CERT1: variants seen among roughly 807,000 people sequenced by gnomAD.
CERT1 encodes the protein ceramide transporter 1.
In CERT1, 31 loss-of-function variants were observed where a neutral mutation model predicts 87.9. That is an observed-to-expected ratio of 0.35 (90% CI 0.27 to 0.48). The LOEUF is 0.48. Among genes scored for constraint, CERT1 ranks in the 20% least tolerant of loss-of-function variants. The pLI is 0.99. For missense variants in CERT1, 487 were observed against 758.0 expected (o/e 0.64, Z 4.20); for synonymous variants, 289 against 250.9 (o/e 1.15, Z -1.44).
chr5:75,381,928 C>A (rs1761602828), intron 15 of CERT1, 21 bp downstream of exon 15: 1 of 1,603,386 alleles, frequency 6.2e-7, no homozygotes, highest in South Asian at 1.1e-5. Context: ...TAATTATACA[C>A]ATTTATATAC....
At chr5:75,431,275 G>GA (rs1184076957) in intron 3 of CERT1, among the ~76,000 whole-genome samples, 1 of 152,078 alleles carries the variant, frequency 6.6e-6, no homozygotes, top group Non-Finnish European at 1.5e-5. Context: ...CATATGTACT[G>GA]AATGTTTACC....
intron 10 of CERT1, 84 bp downstream of exon 10, chr5:75,400,121 A>G: frequency 9.7e-7 from 1 of 1,027,692 alleles, no homozygotes; most frequent in Non-Finnish European, 1.5e-6. Flanking sequence ...ACAGAGTGAG[A>G]CTCCGTCTCA....
chr5:75,392,265 A>C (rs1483496025), intron 11 of CERT1, among the ~76,000 whole-genome samples: 1 of 152,246 alleles, frequency 6.6e-6, no homozygotes, highest in East Asian at 1.9e-4. Flanking sequence ...TTCAATTTTC[A>C]GCCATGCTGT....
chr5:75,419,300 A>G (rs1340225580), intron 6 of CERT1, 41 bp downstream of exon 6: 10 of 1,293,708 alleles, frequency 7.7e-6, no homozygotes, highest in African/African-American at 1.5e-5. Flanking sequence ...AACTTCTGAA[A>G]GTATATTTTA....
At chr5:75,418,330 G>C (rs1054913512) in intron 6 of CERT1, among the ~76,000 whole-genome samples, 4 of 152,132 alleles carry the variant, frequency 2.6e-5, no homozygotes, top group Admixed American at 2.6e-4. Context: ...ACACCTATTA[G>C]AATGACTGAA....
chr5:75,423,408 C>T (rs559445070), intron 5 of CERT1, among the ~76,000 whole-genome samples: 4 of 151,510 alleles, frequency 2.6e-5, no homozygotes, highest in South Asian at 2.1e-4. Context: ...CACACATTAA[C>T]GAACCAAAAC....
At chr5:75,463,127 TATAACATAC>T (rs1765310453) in intron 2 of CERT1, among the ~76,000 whole-genome samples, 1 of 147,662 alleles carries the variant, frequency 6.8e-6, no homozygotes, top group Non-Finnish European at 1.5e-5. Context: ...AACATGAAAA[TATAACATAC>T]ATAACAGAAA....
Position 75,384,642 on chromosome 5 carries a change from C to T in CERT1, c.1488G>A (p.Lys496=). The T allele has an allele frequency of 6.3e-7, 1 of 1,592,030 alleles. No individual in the cohort carries two copies. Among genetic ancestry groups the T allele is most frequent in the Non-Finnish European group, 8.6e-7 (1 of 1,160,866 alleles). The part of the protein sequence containing the change: ...DNAIIIYQTH[K]RVWPASQRDV... Reference sequence around the variant, plus strand: ...TTAGGATGAATGAAGAGATCTTTACCTTGTGTGTTTGATAAATGATGATTG... The same window carrying T: ...TTAGGATGAATGAAGAGATCTTTACTTTGTGTGTTTGATAAATGATGATTG... Residue 496 remains lysine, a splice_region_variant and synonymous_variant, in exon 14 of 17, where the codon AAG becomes AAA. Transcript: ENST00000643780.
intron 2 of CERT1, among the ~76,000 whole-genome samples, chr5:75,490,459 T>C (rs948656489): frequency 1.3e-5 from 2 of 151,136 alleles, no homozygotes; most frequent in South Asian, 4.2e-4. Flanking sequence ...ATTCTCTTCA[T>C]TGTTGTCTAC....
intron 2 of CERT1, among the ~76,000 whole-genome samples, chr5:75,504,928 CATT>C (rs1767583651): frequency 6.6e-6 from 1 of 152,168 alleles, no homozygotes; most frequent in South Asian, 2.1e-4. Flanking sequence ...ATATCTTAAA[CATT>C]ATTCATGTCT....
rs1761459356 is a variant in CERT1, at chr5:75,379,332, A to G, written c.*14T>C. 6.2e-7 allele frequency: 1 copy of G among 1,602,914 alleles called. No individual in the cohort carries two copies. Among genetic ancestry groups the G allele is most frequent in the Admixed American group, 1.7e-5 (1 of 58,482 alleles). On this transcript the variant is annotated 3_prime_UTR_variant, in exon 17 of 17. Transcript: ENST00000643780. ...TAAAAAAAGATAAAACATATCTTCT[A>G]GTACCTGTTAATACTAGAACAAAAT...
At chr5:75,429,307 T>C (rs1196344306) in intron 3 of CERT1, among the ~76,000 whole-genome samples, 2 of 151,966 alleles carry the variant, frequency 1.3e-5, no homozygotes, top group Non-Finnish European at 2.9e-5. Context: ...GTTCAAATGA[T>C]TCTCCTGCCT....
At chr5:75,458,915 A>G (rs1198703012) in intron 3 of CERT1, 150 bp downstream of exon 3, 3 of 562,358 alleles carry the variant, frequency 5.3e-6, no homozygotes, top group Non-Finnish European at 9.6e-6. Context: ...AATTATTTCA[A>G]AAATTTACAT....
At chr5:75,455,043 G>C (rs114227258) in intron 3 of CERT1, among the ~76,000 whole-genome samples, 1 of 152,068 alleles carries the variant, frequency 6.6e-6, no homozygotes, top group Admixed American at 6.6e-5. Context: ...GTCTGCTGCC[G>C]GTCTGAACCA....
rs749691821 is a variant in CERT1, at chr5:75,426,344, A to G, written c.456+27T>C. ...ATACTAAACTCAATTTATGTTGTTTAACTTAAGGCATCCATTAACTACACA... is the reference window on the plus strand; with the variant it reads ...ATACTAAACTCAATTTATGTTGTTTGACTTAAGGCATCCATTAACTACACA... On this transcript the variant is annotated intron_variant, in intron 4 of 16. Coordinates refer to ENST00000643780, the MANE Select transcript of CERT1 (RefSeq NM_001379029.1). 6 of 1,480,846 alleles carry G rather than the reference A, an allele frequency of 4.1e-6. No individual in the cohort carries two copies. The East Asian group carries it at 1.4e-4, about 33-fold the overall frequency. The allele number at this position is 1,480,846 out of a possible 1,614,324, so 91.7% of individuals were successfully genotyped here. A position where few individuals can be genotyped will look rare whatever the true frequency, so the allele number is the denominator to read the frequency against.
intron 3 of CERT1, among the ~76,000 whole-genome samples, chr5:75,437,538 G>A (rs1764146295): frequency 6.6e-6 from 1 of 152,130 alleles, no homozygotes; most frequent in African/African-American, 2.4e-5. Context: ...GGCCAAGGCA[G>A]GTGGATTACT....
chr5:75,462,990 C>CAAAAAAAAAAAAAAAAAAA (rs1174306526), intron 2 of CERT1, among the ~76,000 whole-genome samples: 1 of 38,908 alleles, frequency 2.6e-5, no homozygotes, highest in Non-Finnish European at 5.7e-5. Flanking sequence ...GACTCCGTCT[C>CAAAAAAAAAAAAAAAAAAA]AAAAAAAAAA....
At chr5:75,389,316 A>T (rs1193321012) in intron 12 of CERT1, among the ~76,000 whole-genome samples, 1 of 152,234 alleles carries the variant, frequency 6.6e-6, no homozygotes, top group East Asian at 1.9e-4. Context: ...ACCTGGTCAT[A>T]TCTAATTCTC....
At chr5:75,459,029 A>T in intron 3 of CERT1, 36 bp downstream of exon 3, 1 of 1,171,300 alleles carries the variant, frequency 8.5e-7, no homozygotes, top group Non-Finnish European at 1.3e-6. Context: ...TCTCTTACCT[A>T]GTCCTCCATG....
Sources: allele counts gnomAD v4.1 joint callset (sites outside exome capture counted in the v4.1 genomes callset), GRCh38; gene constraint gnomAD v4.1.1; transcripts MANE v1.5; gene names NCBI Gene and HGNC (gene_info 2026-07-23, HGNC 2026-07-21).